The following CUX2 variants were observed in gnomAD, a reference collection of about 807,000 sequenced individuals.
CUX2 encodes the protein homeobox protein cut-like 2.
In CUX2, 40 loss-of-function variants were observed where a neutral mutation model predicts 144.8. The ratio of observed to expected loss-of-function variants is 0.28; its 90% CI spans 0.21 to 0.36. The LOEUF is 0.36. Among genes scored for constraint, CUX2 ranks in the 10% least tolerant of loss-of-function variants. The pLI, the probability that CUX2 is intolerant of heterozygous loss-of-function variation, is 1.00. For missense variants in CUX2, 1,615 were observed against 1,994.0 expected, an observed-to-expected ratio of 0.81 and a Z score of 3.62; for synonymous variants, 827 against 875.6, an observed-to-expected ratio of 0.94 and a Z score of 0.98.
intron 1 of CUX2, among the ~76,000 whole-genome samples, chr12:111,105,101 G>A (rs1238579588): frequency 6.6e-6 from 1 of 152,194 alleles, no homozygotes; most frequent in Non-Finnish European, 1.5e-5. Context: ...GCTATCCCCA[G>A]AATTGACTCG....
chr12:111,090,011 T>A (rs1341449744), intron 1 of CUX2, among the ~76,000 whole-genome samples: 1 of 152,064 alleles, frequency 6.6e-6, no homozygotes, highest in South Asian at 2.1e-4. Flanking sequence ...CCTCTGGCCA[T>A]CATGTGCAGT....
At chr12:111,270,654 A>AC (rs1237851118) in intron 4 of CUX2, 10 of 151,454 alleles carry the variant, frequency 6.6e-5, no homozygotes, top group Admixed American at 2.0e-4. Flanking sequence ...AAAAAAAAAA[A>AC]AAAAACAAGG....
chr12:111,269,154 C>T (rs899309799), intron 4 of CUX2, among the ~76,000 whole-genome samples: 3 of 152,174 alleles, frequency 2.0e-5, no homozygotes, highest in Non-Finnish European at 4.4e-5. Context: ...CAGGTGCTTA[C>T]TAAGTGTTAA....
chr12:111,195,627 G>T (rs76064616), intron 1 of CUX2, among the ~76,000 whole-genome samples: 1 of 152,194 alleles, frequency 6.6e-6, no homozygotes, highest in East Asian at 1.9e-4. Context: ...CTGGGGAAGC[G>T]CCTTCCCTGA....
chr12:111,294,457 T>C (rs2136336815), intron 6 of CUX2, among the ~76,000 whole-genome samples: 1 of 151,940 alleles, frequency 6.6e-6, no homozygotes, highest in South Asian at 2.1e-4. Context: ...CGTGCACCTG[T>C]GGTCCCAGCT....
chr12:111,295,475 G>A lies in CUX2; in HGVS notation c.637+66G>A, dbSNP rs1010971661. ...GGGGACGGTAATGCTGTCAACGAGGGGTCACGGCTTGGGGTCTGCCACATC... is the reference window on the plus strand; with the variant it reads ...GGGGACGGTAATGCTGTCAACGAGGAGTCACGGCTTGGGGTCTGCCACATC... On this transcript the variant is annotated intron_variant, in intron 7 of 21. Transcript: ENST00000261726. This position sits in a 1 kb window ranked among gnomAD's most constrained non-coding sequence, Gnocchi z 5.0. 9.9e-6 allele frequency: 14 copies of A among 1,421,044 alleles called. No individual in the cohort carries two copies. Among genetic ancestry groups the A allele is most frequent in the South Asian group, 8.9e-5 (7 of 78,834 alleles). 88.0% of individuals were successfully genotyped at this position (1,421,044 alleles called of 1,614,324 possible).
rs779162280 is a variant in CUX2 at position 111,307,275 on chromosome 12, G to T, written c.1109+18G>T. 4 of 1,609,878 alleles carry T rather than the reference G, an allele frequency of 2.5e-6. No individual in the cohort carries two copies. The South Asian group carries it at 3.3e-5, about 13-fold the overall frequency. ...GAGCTGAGGTACCATGTGGGGTGGG[G>T]CTCCACAGACCCTCAGTGCTCTTCC... is the stretch of plus-strand genomic sequence containing the variant. On this transcript the variant is annotated intron_variant, in intron 12 of 21. Transcript: ENST00000261726. This position sits in a 1 kb window ranked among gnomAD's most constrained non-coding sequence, Gnocchi z 4.1.
chr12:111,173,148 A>C (rs1439517675), intron 1 of CUX2, among the ~76,000 whole-genome samples: 1 of 152,162 alleles, frequency 6.6e-6, no homozygotes, highest in Non-Finnish European at 1.5e-5. Context: ...TTCTTGAGGG[A>C]TGTTCAGGCT....
intron 1 of CUX2, among the ~76,000 whole-genome samples, chr12:111,183,203 C>CTGAA (rs1401510403): frequency 2.0e-5 from 3 of 152,242 alleles, no homozygotes; most frequent in Non-Finnish European, 4.4e-5. Flanking sequence ...GGATGAATTA[C>CTGAA]TGAATGAATG....
At chr12:111,140,912 C>A (rs1314443333) in intron 1 of CUX2, among the ~76,000 whole-genome samples, 1 of 152,180 alleles carries the variant, frequency 6.6e-6, no homozygotes, top group African/African-American at 2.4e-5. Flanking sequence ...GAGAAGTGAG[C>A]AGGGAGCCTC....
chr12:111,039,428 C>T lies in CUX2; in HGVS notation c.63+5188C>T, dbSNP rs1404030251. On this transcript the variant is annotated intron_variant, in intron 1 of 21. Transcript: ENST00000261726. The surrounding 1 kb of genome is among the most constrained non-coding windows in gnomAD (Gnocchi z 4.2). ...TGCTCCTGGGTGAATCATCCCACATCCCAAGTCTCCTGCTTCTTAACCCTT... is the reference window on the plus strand; with the variant it reads ...TGCTCCTGGGTGAATCATCCCACATTCCAAGTCTCCTGCTTCTTAACCCTT... 6.6e-6 allele frequency among the ~76,000 whole-genome samples: 1 copy of T among 152,182 alleles called. No individual in the cohort carries two copies. Among genetic ancestry groups the T allele is most frequent in the Non-Finnish European group, 1.5e-5 (1 of 68,032 alleles).
rs1406356145 is a variant in CUX2, at chr12:111,204,718, C to T, written c.64-9482C>T. Among the ~76,000 whole-genome samples the T allele has an allele frequency of 2.0e-5, 3 of 152,140 alleles. No individual in the cohort carries two copies. The East Asian group carries it at 5.8e-4, about 29-fold the overall frequency. ...CCCTCAACAGATGTTTCTAGAGAAT[C>T]CACTGCACTCTAGATGCCACTGGGA... On this transcript the variant is annotated intron_variant, in intron 1 of 21. Coordinates refer to ENST00000261726, the MANE Select transcript of CUX2 (RefSeq NM_015267.4).
chr12:111,170,301 T>A (rs1338843396), intron 1 of CUX2, among the ~76,000 whole-genome samples: 2 of 152,054 alleles, frequency 1.3e-5, no homozygotes, highest in African/African-American at 4.8e-5. Context: ...TGGTGGCACA[T>A]GCCTGTAATC....
chr12:111,196,254 G>A lies in CUX2; in HGVS notation c.64-17946G>A, dbSNP rs752899689. 8.5e-5 allele frequency among the ~76,000 whole-genome samples: 13 copies of A among 152,288 alleles called. No individual in the cohort carries two copies. In the East Asian group the frequency reaches 9.6e-4, roughly 11 times the overall value. On this transcript the variant is annotated intron_variant, in intron 1 of 21. Coordinates refer to ENST00000261726, the MANE Select transcript of CUX2 (RefSeq NM_015267.4). ...ATAGACCACGTTTTATCCGTTCATCGGTTGATGGGCATGTGGGTTGTTTGT... is the reference window on the plus strand; with the variant it reads ...ATAGACCACGTTTTATCCGTTCATCAGTTGATGGGCATGTGGGTTGTTTGT...
rs749091563 is a variant in CUX2, at chr12:111,338,380, G to A, written c.3291G>A (p.Leu1097=). Residue 1097 remains leucine, a synonymous_variant, in exon 20 of 22, where the codon CTG becomes CTA. Coordinates refer to ENST00000261726, the MANE Select transcript of CUX2 (RefSeq NM_015267.4). ...SRPKPWHKLS[L]KGREPFVRMQ... ...CCAAACCCTGGCACAAGCTGAGCCT[G>A]AAGGGGCGGGAGCCTTTTGTCCGCA... The A allele has an allele frequency of 1.3e-5, 21 of 1,614,178 alleles. No homozygotes were observed. Among genetic ancestry groups the A allele is most frequent in the Non-Finnish European group, 1.7e-5 (20 of 1,180,022 alleles).
In CUX2 at chr12:111,347,543, ATGT is replaced by A. The variant is rs1320307873; in HGVS notation, c.3682_3684del (p.Leu1228del). The stretch of plus-strand genomic sequence containing the variant: ...CCCCAGGTCCCGGATGCGCCGGGAG[ATGT>A]TGGTGGAGGGGACCCAGGATGAGCC... On this transcript the variant is annotated inframe_deletion, in exon 22 of 22. Transcript: ENST00000261726. 6.2e-7 allele frequency: 1 copy of A among 1,601,940 alleles called. No individual in the cohort carries two copies. Among genetic ancestry groups the A allele is most frequent in the Non-Finnish European group, 8.5e-7 (1 of 1,174,674 alleles).
intron 1 of CUX2, among the ~76,000 whole-genome samples, chr12:111,087,059 T>TA (rs1415609452): frequency 6.6e-6 from 1 of 151,980 alleles, no homozygotes; most frequent in East Asian, 1.9e-4. Context: ...ACAAGGGACT[T>TA]ACTAAAGAAA....
intron 1 of CUX2, among the ~76,000 whole-genome samples, chr12:111,046,306 T>C (rs893389790): frequency 6.6e-6 from 1 of 152,258 alleles, no homozygotes; most frequent in Non-Finnish European, 1.5e-5. Context: ...CTGGGATTTC[T>C]TTAACAAATG....
chr12:111,194,283 C>A (rs895738550), intron 1 of CUX2, among the ~76,000 whole-genome samples: 5 of 152,172 alleles, frequency 3.3e-5, no homozygotes, highest in Non-Finnish European at 7.3e-5. Flanking sequence ...GGGCCACGCA[C>A]GTGATAAGCA....
Sources: gnomAD v4.1 joint callset for allele counts (sites outside exome capture counted in the v4.1 genomes callset) on GRCh38, gnomAD v4.1.1 for gene constraint, Gnocchi (gnomAD v3.1) non-coding constraint, MANE v1.5 for transcripts, NCBI Gene and HGNC (gene_info 2026-07-23, HGNC 2026-07-21) for gene names.